The following LINGO2 variants were observed in gnomAD, a reference collection of about 807,000 sequenced individuals.
The protein encoded by LINGO2 is leucine rich repeat and Ig domain containing 2.
A neutral mutation model predicts 30.6 loss-of-function variants in LINGO2; 14 were observed. That is an observed-to-expected ratio of 0.46 (90% CI 0.30 to 0.72). LINGO2 has a LOEUF of 0.72. LINGO2 is among the 30% of genes least tolerant of loss of function. LINGO2 has a pLI of 0.07. For synonymous variants in LINGO2, 317 were observed against 288.5 expected, an observed-to-expected ratio of 1.10 and a Z score of -1.00; for missense variants, 729 against 751.7, an observed-to-expected ratio of 0.97 and a Z score of 0.35.
chr9:28,563,758 A>T (rs755053116), intron 1 of LINGO2, among the ~76,000 whole-genome samples: 3 of 152,166 alleles, frequency 2.0e-5, no homozygotes, highest in Admixed American at 6.5e-5. Flanking sequence ...ATGATGCTCA[A>T]TCAGACATTT....
intron 3 of LINGO2, among the ~76,000 whole-genome samples, chr9:28,370,568 T>C (rs954461451): frequency 3.9e-5 from 6 of 152,208 alleles, no homozygotes; most frequent in East Asian, 1.9e-4. Flanking sequence ...AGAGAAATGA[T>C]AGCCATGAGC....
chr9:28,740,820 G>A, the LINGO2 span, among the ~76,000 whole-genome samples: 1 of 152,014 alleles, frequency 6.6e-6, no homozygotes, highest in Non-Finnish European at 1.5e-5. Flanking sequence ...ATTTAGTGAT[G>A]TTCAAAATAT....
At chr9:29,017,825 G>A in the LINGO2 span, among the ~76,000 whole-genome samples, 3 of 151,990 alleles carry the variant, frequency 2.0e-5, no homozygotes, top group East Asian at 3.9e-4. Flanking sequence ...TAAGTCTCTA[G>A]ACTGACACGG....
Position 28,196,957 on chromosome 9 carries a change from G to T in LINGO2, c.-87+98251C>A, listed in dbSNP as rs115846295. On this transcript the variant is annotated intron_variant, in intron 4 of 5. Transcript: ENST00000379992. ...ATTAATGGGTACAAAACTACAGTCA[G>T]AAGGAATAAGATCTACTGTCTGGTA... is the stretch of plus-strand genomic sequence containing the variant. 6.0e-4 allele frequency among the ~76,000 whole-genome samples: 92 copies of T among 152,070 alleles called. 1 individual carries two copies. Among genetic ancestry groups the T allele is most frequent in the African/African-American group, 2.2e-3 (90 of 41,540 alleles).
chr9:27,976,357 C>T (rs1474051096), intron 5 of LINGO2, among the ~76,000 whole-genome samples: 1 of 152,022 alleles, frequency 6.6e-6, no homozygotes, highest in Non-Finnish European at 1.5e-5. Context: ...GCAGGTATAT[C>T]TGATGAACTC....
chr9:28,761,320 C>A, the LINGO2 span, among the ~76,000 whole-genome samples: 1 of 151,768 alleles, frequency 6.6e-6, no homozygotes, highest in Non-Finnish European at 1.5e-5. Flanking sequence ...ATACAGATAA[C>A]AATCATTTTG....
intron 4 of LINGO2, among the ~76,000 whole-genome samples, chr9:28,226,697 A>AAGAAAGAAAGAAAG (rs769720438): frequency 1.2e-3 from 71 of 60,392 alleles, no homozygotes; most frequent in African/African-American, 2.9e-3. Context: ...GAAAGAAAGA[A>AAGAAAGAAAGAAAG]AGAAAGAGAA....
chr9:28,313,047 G>A (rs1453078670), intron 3 of LINGO2, among the ~76,000 whole-genome samples: 11 of 152,140 alleles, frequency 7.2e-5, no homozygotes, highest in Admixed American at 1.3e-4. Flanking sequence ...AATACCAACA[G>A]AGAATAATCC....
chr9:28,558,498 GTTC>G lies in LINGO2; in HGVS notation c.-364-82476_-364-82474del, dbSNP rs553082205. ...TGTTTTATCCTCTTTGGGGAATAAA[GTTC>G]TTCTTTTCTAGTAGGGGGAGTGAAG... On this transcript the variant is annotated intron_variant, in intron 1 of 5. Transcript: ENST00000379992. 9.2e-5 allele frequency among the ~76,000 whole-genome samples: 14 copies of G among 152,142 alleles called. No individual in the cohort carries two copies. In the East Asian group the frequency reaches 2.1e-3, roughly 23 times the overall value.
At chr9:28,398,900 A>G (rs950285081) in intron 2 of LINGO2, among the ~76,000 whole-genome samples, 19 of 152,134 alleles carry the variant, frequency 1.2e-4, no homozygotes. Context: ...CATTCAAATT[A>G]CCTGAGTGAT....
At chr9:28,249,544 CTTAAGAATTTTTTCTGGACTGAAGTAGG>C (rs933962161) in intron 4 of LINGO2, among the ~76,000 whole-genome samples, 1 of 151,966 alleles carries the variant, frequency 6.6e-6, no homozygotes, top group African/African-American at 2.4e-5. Context: ...ATTAATGGGC[CTTAAGAATTTTTTCTGGACTGAAGTAGG>C]TTGATTGAGT....
At chr9:28,041,842 T>TA (rs1424993228) in intron 4 of LINGO2, among the ~76,000 whole-genome samples, 1 of 152,198 alleles carries the variant, frequency 6.6e-6, no homozygotes, top group Non-Finnish European at 1.5e-5. Context: ...AAAAAGTTTA[T>TA]AAACTCCGTA....
At chr9:28,350,607 G>T (rs28781732) in intron 3 of LINGO2, among the ~76,000 whole-genome samples, 1 of 145,260 alleles carries the variant, frequency 6.9e-6, no homozygotes, top group Non-Finnish European at 1.5e-5. Context: ...AGAAAGTCAA[G>T]AAGGATACCC....
chr9:28,796,401 A>G, the LINGO2 span, among the ~76,000 whole-genome samples: 2 of 152,130 alleles, frequency 1.3e-5, no homozygotes, highest in African/African-American at 2.4e-5. Context: ...TTGCATCTCA[A>G]AATTATTTTT....
the LINGO2 span, among the ~76,000 whole-genome samples, chr9:28,918,988 T>C: frequency 6.6e-6 from 1 of 152,174 alleles, no homozygotes; most frequent in Non-Finnish European, 1.5e-5. Context: ...GTGCACTGTA[T>C]CCAGTATGTT....
At chr9:28,636,847 T>G (rs1436598890) in intron 1 of LINGO2, among the ~76,000 whole-genome samples, 1 of 152,224 alleles carries the variant, frequency 6.6e-6, no homozygotes, top group Non-Finnish European at 1.5e-5. Context: ...TTATCAATTT[T>G]GGCTTTTGTT....
At chr9:28,338,331 A>T (rs1455226078) in intron 3 of LINGO2, among the ~76,000 whole-genome samples, 1 of 152,176 alleles carries the variant, frequency 6.6e-6, no homozygotes, top group Non-Finnish European at 1.5e-5. Context: ...TAACCCCATA[A>T]TATCTAGGAA....
At chr9:28,445,143 A>G (rs1028714705) in intron 2 of LINGO2, among the ~76,000 whole-genome samples, 1 of 152,254 alleles carries the variant, frequency 6.6e-6, no homozygotes, top group African/African-American at 2.4e-5. Context: ...AATGTTATCA[A>G]TAATAATATA....
chr9:28,851,401 T>C, the LINGO2 span, among the ~76,000 whole-genome samples: 1 of 152,064 alleles, frequency 6.6e-6, no homozygotes, highest in East Asian at 1.9e-4. Flanking sequence ...TCTCTTCTGG[T>C]CCTTTCTTCT....
Sources: allele counts gnomAD v4.1 joint callset (sites outside exome capture counted in the v4.1 genomes callset), GRCh38; gene constraint gnomAD v4.1.1; transcripts MANE v1.5; gene names NCBI Gene and HGNC (gene_info 2026-07-23, HGNC 2026-07-21).